The following EYS variants were observed in gnomAD, a reference collection of about 807,000 sequenced individuals.
The protein encoded by EYS is EGF-like photoreceptor maintenance factor, also known as protein eyes shut homolog.
In EYS, 250 loss-of-function variants were observed where a neutral mutation model predicts 282.1. The observed-to-expected ratio is 0.89, with a 90% CI of 0.80 to 0.98. The LOEUF is 0.98. Among genes scored for constraint, EYS ranks in the 50% least tolerant of loss-of-function variants. EYS has a pLI of 0.00. For missense variants in EYS, 4,016 were observed against 3,709.0 expected (o/e 1.08, Z -2.15); for synonymous variants, 1,355 against 1,282.9 (o/e 1.06, Z -1.20).
intron 22 of EYS, among the ~76,000 whole-genome samples, chr6:64,641,855 G>A (rs986034903): frequency 2.0e-5 from 3 of 152,168 alleles, no homozygotes; most frequent in African/African-American, 7.2e-5. Flanking sequence ...GAATTATGTT[G>A]TGTACTCCTT....
chr6:63,752,107 C>T (rs1311622056), intron 41 of EYS, among the ~76,000 whole-genome samples: 1 of 152,124 alleles, frequency 6.6e-6, no homozygotes, highest in South Asian at 2.1e-4. Flanking sequence ...AATAAAACAT[C>T]GAGTTTGTCA....
At chr6:64,370,942 T>A (rs1412135707) in intron 29 of EYS, among the ~76,000 whole-genome samples, 3 of 152,094 alleles carry the variant, frequency 2.0e-5, no homozygotes, top group Non-Finnish European at 4.4e-5. Flanking sequence ...AGTCTATCTA[T>A]CATATTAATT....
intron 37 of EYS, among the ~76,000 whole-genome samples, chr6:63,791,645 G>C (rs1582211196): frequency 6.6e-6 from 1 of 152,106 alleles, no homozygotes; most frequent in East Asian, 1.9e-4. Context: ...AGTGCCTGTG[G>C]CAGGAAAGGA....
intron 26 of EYS, among the ~76,000 whole-genome samples, chr6:64,448,315 G>A (rs542041877): frequency 6.6e-5 from 10 of 152,342 alleles, no homozygotes; most frequent in South Asian, 6.2e-4. Flanking sequence ...GGGGAGGGGC[G>A]CCAGCCATTG....
intron 41 of EYS, chr6:63,744,692 C>T (rs142162929): frequency 0.044 from 6,864 of 157,480 alleles, 242 homozygotes; most frequent in African/African-American, 0.098. Flanking sequence ...CTCAGCCTCC[C>T]GAGTAGCTGG....
intron 12 of EYS, among the ~76,000 whole-genome samples, chr6:65,252,341 A>C (rs1767348885): frequency 6.6e-6 from 1 of 152,008 alleles, no homozygotes; most frequent in African/African-American, 2.4e-5. Flanking sequence ...ACCACATCAC[A>C]GATTGACCAT....
At chr6:65,540,912 G>A (rs910227626) in intron 2 of EYS, among the ~76,000 whole-genome samples, 20 of 152,034 alleles carry the variant, frequency 1.3e-4, no homozygotes, top group African/African-American at 3.9e-4. Context: ...GCAACAGTGC[G>A]AGACTCTATC....
intron 1 of EYS, among the ~76,000 whole-genome samples, chr6:65,643,510 C>G (rs1767349279): frequency 6.6e-6 from 1 of 152,172 alleles, no homozygotes; most frequent in Non-Finnish European, 1.5e-5. Context: ...TGTCCACTGG[C>G]TGAGAAACCT....
intron 29 of EYS, among the ~76,000 whole-genome samples, chr6:64,352,600 A>G (rs1582641083): frequency 6.6e-6 from 1 of 151,682 alleles, no homozygotes; most frequent in Non-Finnish European, 1.5e-5. Flanking sequence ...GTGATGGTAT[A>G]TAGCAAGTCC....
chr6:64,861,191 C>G (rs1766225857), intron 19 of EYS, among the ~76,000 whole-genome samples: 1 of 152,210 alleles, frequency 6.6e-6, no homozygotes, highest in African/African-American at 2.4e-5. Flanking sequence ...CTGCCCTTAG[C>G]CCCTGCCTCA....
chr6:63,877,855 T>C (rs994865496), intron 35 of EYS, among the ~76,000 whole-genome samples: 1 of 152,212 alleles, frequency 6.6e-6, no homozygotes, highest in Non-Finnish European at 1.5e-5. Context: ...CTGTTTATTC[T>C]AGTTAGCCAT....
At position 64,502,698 on chromosome 6, in the gene EYS, G is replaced by T. The variant is rs202121032; in HGVS notation, c.5645-63346C>A. Among the ~76,000 whole-genome samples, 39 of 140,754 alleles carry T rather than the reference G, an allele frequency of 2.8e-4. No individual in the cohort carries two copies. In the South Asian group the frequency reaches 7.5e-3, roughly 27 times the overall value. 92.3% of individuals were successfully genotyped at this position (140,754 alleles called of 152,430 possible). On this transcript the variant is annotated intron_variant, in intron 26 of 42. Coordinates refer to ENST00000503581, the MANE Select transcript of EYS (RefSeq NM_001142800.2). ...GTTTTTCTCTGCTATTGACAGTTTTGTTTTTTTTTTAATCTTGTGCTGGAC... is the reference window on the plus strand; with the variant it reads ...GTTTTTCTCTGCTATTGACAGTTTTTTTTTTTTTTTAATCTTGTGCTGGAC...
intron 22 of EYS, among the ~76,000 whole-genome samples, chr6:64,741,308 G>A (rs559769150): frequency 6.6e-6 from 1 of 152,140 alleles, no homozygotes; most frequent in African/African-American, 2.4e-5. Flanking sequence ...CAGTAAGTCT[G>A]AAAAACGGAC....
chr6:64,308,110 C>G (rs924242009), intron 29 of EYS, among the ~76,000 whole-genome samples: 1 of 151,976 alleles, frequency 6.6e-6, no homozygotes, highest in South Asian at 2.1e-4. Flanking sequence ...CATCAATTAC[C>G]TTGCCTTATC....
intron 1 of EYS, among the ~76,000 whole-genome samples, chr6:65,669,155 A>G (rs1768296715): frequency 6.6e-6 from 1 of 151,940 alleles, no homozygotes; most frequent in African/African-American, 2.4e-5. Context: ...TTTTGCAATA[A>G]AACTTTTAAT....
chr6:64,883,487 T>C (rs1410911084), intron 19 of EYS, among the ~76,000 whole-genome samples: 1 of 149,478 alleles, frequency 6.7e-6, no homozygotes, highest in Non-Finnish European at 1.5e-5. Flanking sequence ...TAGACATGAC[T>C]ACATGTAATC....
chr6:65,536,376 A>G (rs1395509332), intron 2 of EYS, among the ~76,000 whole-genome samples: 1 of 151,770 alleles, frequency 6.6e-6, no homozygotes, highest in African/African-American at 2.4e-5. Context: ...AAAAACAAAT[A>G]GAGGAAATGT....
intron 36 of EYS, among the ~76,000 whole-genome samples, chr6:63,808,435 C>T (rs890816084): frequency 6.6e-6 from 1 of 152,074 alleles, no homozygotes; most frequent in Non-Finnish European, 1.5e-5. Flanking sequence ...AAATATTATT[C>T]TGTTGATGAA....
intron 12 of EYS, among the ~76,000 whole-genome samples, chr6:65,289,472 G>T (rs905746701): frequency 3.3e-5 from 5 of 151,054 alleles, no homozygotes; most frequent in African/African-American, 1.2e-4. Context: ...TCCCAAATAT[G>T]TGGATATGTT....
Sources: gnomAD v4.1 joint callset for allele counts (sites outside exome capture counted in the v4.1 genomes callset) on GRCh38, gnomAD v4.1.1 for gene constraint, MANE v1.5 for transcripts, NCBI Gene and HGNC (gene_info 2026-07-23, HGNC 2026-07-21) for gene names.